TXNDC9: variants seen among roughly 807,000 people sequenced by gnomAD.
TXNDC9 encodes thioredoxin domain-containing protein 9.
In TXNDC9, 7 loss-of-function variants were observed where a neutral mutation model predicts 23.0. That is an observed-to-expected ratio of 0.30 (90% CI 0.17 to 0.57). The LOEUF is 0.57. TXNDC9 is among the 20% of genes least tolerant of loss of function. The pLI is 0.90. For synonymous variants in TXNDC9, 72 were observed against 90.6 expected (o/e 0.79, Z 1.17); for missense variants, 198 against 252.6 (o/e 0.78, Z 1.47).
At chr2:99,332,863 C>T in intron 2 of TXNDC9, 159 bp downstream of exon 2, 1 of 608,504 alleles carries the variant, frequency 1.6e-6, no homozygotes. Context: ...GTCTTTAAAA[C>T]ATATTTTTTT....
At chr2:99,317,095 G>GT (rs2094190989), downstream of TXNDC9, among the ~76,000 whole-genome samples, 1 of 152,204 alleles carries the variant, frequency 6.6e-6, no homozygotes, top group Non-Finnish European at 1.5e-5. Context: ...TTGATATTCT[G>GT]TTTGATGGAA....
chr2:99,309,412 T>C, the TXNDC9 span, among the ~76,000 whole-genome samples: 1 of 151,842 alleles, frequency 6.6e-6, no homozygotes, highest in African/African-American at 2.4e-5. Context: ...TAAAGAGTAA[T>C]CTAATGAGAC....
the TXNDC9 span, among the ~76,000 whole-genome samples, chr2:99,310,365 A>C: frequency 6.6e-6 from 1 of 152,038 alleles, no homozygotes; most frequent in African/African-American, 2.4e-5. Context: ...TGTAGCCTCC[A>C]ACTCCTGGGC....
chr2:99,322,372 G>C, intron 3 of TXNDC9, 163 bp from the exon 4 acceptor site: 7 of 1,228,040 alleles, frequency 5.7e-6, no homozygotes, highest in Non-Finnish European at 7.7e-6. Context: ...CCAGATCAGA[G>C]GTTAGCTGCC....
At chr2:99,324,109 G>A (rs2094208482) in intron 3 of TXNDC9, among the ~76,000 whole-genome samples, 1 of 152,112 alleles carries the variant, frequency 6.6e-6, no homozygotes, top group Non-Finnish European at 1.5e-5. Context: ...GCCTCCCAAA[G>A]TGCTGGGATT....
At chr2:99,307,017 T>TC in the TXNDC9 span, among the ~76,000 whole-genome samples, 739 of 116,478 alleles carry the variant, frequency 6.3e-3, 6 homozygotes, top group African/African-American at 0.02. Context: ...CTCCCTCCCT[T>TC]CCTTCCTTCC....
chr2:99,331,878 C>T (rs536488294), intron 2 of TXNDC9, among the ~76,000 whole-genome samples: 18 of 152,150 alleles, frequency 1.2e-4, no homozygotes, highest in Admixed American at 4.6e-4. Context: ...TACAGGTGTG[C>T]GCCACCACAC....
chr2:99,322,373 G>GT, intron 3 of TXNDC9, 164 bp from the exon 4 acceptor site: 4 of 1,224,632 alleles, frequency 3.3e-6, no homozygotes, highest in Non-Finnish European at 4.4e-6. Context: ...CAGATCAGAG[G>GT]TTAGCTGCCT....
chr2:99,322,599 T>A, intron 3 of TXNDC9: 1 of 1,539,052 alleles, frequency 6.5e-7, no homozygotes, highest in Non-Finnish European at 8.7e-7. Context: ...TATTTGGAAG[T>A]CATGAAGAAA....
At chr2:99,306,791 T>G in the TXNDC9 span, 1 of 455,744 alleles carries the variant, frequency 2.2e-6, no homozygotes, top group East Asian at 7.0e-5. Context: ...ACCACCTGTG[T>G]AGTAAAGAAA....
In TXNDC9 at chr2:99,322,534, A is replaced by T. The variant is rs1361833437; in HGVS notation, c.309-325T>A. 2 of 1,483,370 alleles carry T rather than the reference A, an allele frequency of 1.3e-6. 1 individual carries two copies. The highest frequency in any genetic ancestry group is 5.4e-5 in the Admixed American group (2 of 37,068). The allele number at this position is 1,483,370 out of a possible 1,614,324, so 91.9% of individuals were successfully genotyped here. On this transcript the variant is annotated intron_variant, in intron 3 of 4. Transcript: ENST00000264255. ...GAAACTTGAAGAGGAACAAACTGAAACTTGACAAAACTCGGAAGAGACTTA... is the reference window on the plus strand; with the variant it reads ...GAAACTTGAAGAGGAACAAACTGAATCTTGACAAAACTCGGAAGAGACTTA...
the TXNDC9 span, among the ~76,000 whole-genome samples, chr2:99,306,587 T>TC: frequency 6.6e-6 from 1 of 152,122 alleles, no homozygotes; most frequent in African/African-American, 2.4e-5. Context: ...AAGGAATCCT[T>TC]CCTGGAAACT....
chr2:99,317,238 C>T (rs1322314969), downstream of TXNDC9, among the ~76,000 whole-genome samples: 3 of 152,054 alleles, frequency 2.0e-5, no homozygotes. Flanking sequence ...ATTGCTTTTT[C>T]GCTCCTTGTA....
At chr2:99,326,189 T>C (rs555367891) in intron 3 of TXNDC9, among the ~76,000 whole-genome samples, 19 of 152,334 alleles carry the variant, frequency 1.2e-4, no homozygotes, top group African/African-American at 4.6e-4. Flanking sequence ...TCTACCTGCC[T>C]AATCCCTTCT....
At chr2:99,323,455 GC>G (rs2094206963) in intron 3 of TXNDC9, among the ~76,000 whole-genome samples, 1 of 152,064 alleles carries the variant, frequency 6.6e-6, no homozygotes, top group African/African-American at 2.4e-5. Context: ...TTATTTTCTG[GC>G]CTGATGCAGT....
intron 4 of TXNDC9, among the ~76,000 whole-genome samples, chr2:99,320,623 A>T (rs909911739): frequency 2.6e-5 from 4 of 152,216 alleles, no homozygotes; most frequent in African/African-American, 9.6e-5. Context: ...TATTGGGACA[A>T]TGAGAAAACT....
At chr2:99,333,956 C>T (rs542461612) in intron 1 of TXNDC9, among the ~76,000 whole-genome samples, 11 of 152,204 alleles carry the variant, frequency 7.2e-5, no homozygotes, top group Non-Finnish European at 1.3e-4. Flanking sequence ...GGGTTTTTTT[C>T]CAACATCACT....
Position 99,319,513 on chromosome 2 carries a change from T to A in TXNDC9, c.*169A>T, listed in dbSNP as rs2094196614. 1 of 518,490 alleles carries A rather than the reference T, an allele frequency of 1.9e-6. No homozygotes were observed. The highest frequency in any genetic ancestry group is 3.4e-6 in the Non-Finnish European group (1 of 296,844). The allele number at this position is 518,490 out of a possible 1,614,324, so 32.1% of individuals were successfully genotyped here. On this transcript the variant is annotated 3_prime_UTR_variant, in exon 5 of 5. Transcript: ENST00000264255. ...AACTGAGTTTTCCTCAACTTAAACA[T>A]GATGGCCACACAGAAAACAGTAAAG...
In TXNDC9 at chr2:99,319,605, G is replaced by C; in HGVS notation, c.*77C>G. The C allele has an allele frequency of 9.3e-7, 1 of 1,073,062 alleles. No homozygotes were observed. 66.5% of individuals were successfully genotyped at this position (1,073,062 alleles called of 1,614,324 possible). A position where few individuals can be genotyped will look rare whatever the true frequency, so the allele number is the denominator to read the frequency against. On this transcript the variant is annotated 3_prime_UTR_variant, in exon 5 of 5. Transcript: ENST00000264255. ...TGAGTATTTAGGTGACCAATGTATAGACATTAATAGAATTTTAAAAACACA... is the reference window on the plus strand; with the variant it reads ...TGAGTATTTAGGTGACCAATGTATACACATTAATAGAATTTTAAAAACACA...
Sources: allele counts gnomAD v4.1 joint callset (sites outside exome capture counted in the v4.1 genomes callset), GRCh38; gene constraint gnomAD v4.1.1; transcripts MANE v1.5; gene names NCBI Gene and HGNC (gene_info 2026-07-23, HGNC 2026-07-21).